The following GUCY2C variants were observed in gnomAD, a reference collection of about 807,000 sequenced individuals.
GUCY2C encodes guanylate cyclase 2C, also known as guanylyl cyclase C.
Under a neutral mutation model 131.1 loss-of-function variants are expected in GUCY2C, and 118 were observed. That is an observed-to-expected ratio of 0.90 (90% CI 0.78 to 1.05). GUCY2C has a LOEUF of 1.05. GUCY2C is among the 50% of genes least tolerant of loss of function. GUCY2C has a pLI of 0.00. For synonymous variants in GUCY2C, 452 were observed against 457.8 expected, an observed-to-expected ratio of 0.99 and a Z score of 0.16; for missense variants, 1,161 against 1,304.4, an observed-to-expected ratio of 0.89 and a Z score of 1.69.
intron 10 of GUCY2C, among the ~76,000 whole-genome samples, chr12:14,666,556 G>A (rs1173893628): frequency 2.0e-5 from 3 of 152,078 alleles, no homozygotes; most frequent in East Asian, 1.9e-4. Flanking sequence ...CCAACATGGC[G>A]AAACCCCGTC....
intron 10 of GUCY2C, among the ~76,000 whole-genome samples, chr12:14,662,046 T>C (rs985704423): frequency 6.6e-6 from 1 of 151,996 alleles, no homozygotes; most frequent in Non-Finnish European, 1.5e-5. Flanking sequence ...ACAAGAAGAC[T>C]GCACGGGAAA....
intron 3 of GUCY2C, among the ~76,000 whole-genome samples, 155 bp downstream of exon 3, chr12:14,686,006 A>G (rs1246744735): frequency 6.6e-6 from 1 of 152,204 alleles, no homozygotes; most frequent in African/African-American, 2.4e-5. Context: ...TGAGCAAGGG[A>G]AGTTACCTGG....
chr12:14,683,519 G>A (rs910035964), intron 3 of GUCY2C, among the ~76,000 whole-genome samples: 1 of 152,156 alleles, frequency 6.6e-6, no homozygotes. Flanking sequence ...ATTCTAAAGT[G>A]AGTCATCATG....
In GUCY2C at chr12:14,681,468, A is replaced by G; in HGVS notation, c.621T>C (p.Asn207=). 6.3e-7 allele frequency: 1 copy of G among 1,577,988 alleles called. No individual in the cohort carries two copies. The change falls in exon 5 of 27, where the codon AAT becomes AAC. Residue 207 remains asparagine (N), a synonymous_variant. Coordinates refer to ENST00000261170, the MANE Select transcript of GUCY2C (RefSeq NM_004963.4). Reference sequence around the variant, plus strand: ...AATAGGAAACGCTAGCCTCCAGAGCATTAAGGTACCTGGAATAGGAAAAAG... The same window carrying G: ...AATAGGAAACGCTAGCCTCCAGAGCGTTAAGGTACCTGGAATAGGAAAAAG... The part of the protein sequence containing the change: ...TETEDCFWYL[N]ALEASVSYFS...
At chr12:14,693,693 T>TG (rs1491183806) in intron 1 of GUCY2C, among the ~76,000 whole-genome samples, 1 of 152,230 alleles carries the variant, frequency 6.6e-6, no homozygotes, top group African/African-American at 2.4e-5. Flanking sequence ...TGTAAAAGTC[T>TG]GGGCATCACA....
chr12:14,644,912 G>A (rs922607154), intron 16 of GUCY2C, among the ~76,000 whole-genome samples: 4 of 151,564 alleles, frequency 2.6e-5, no homozygotes, highest in Non-Finnish European at 4.4e-5. Flanking sequence ...CAGCCCAGTT[G>A]TCTTTCTTGT....
intron 10 of GUCY2C, among the ~76,000 whole-genome samples, chr12:14,665,426 T>A (rs1040823443): frequency 6.6e-6 from 1 of 152,134 alleles, no homozygotes. Context: ...GAGTAAAAGA[T>A]AAGTAGGGAG....
chr12:14,640,411 C>A (rs1468218720), intron 18 of GUCY2C, among the ~76,000 whole-genome samples: 1 of 144,390 alleles, frequency 6.9e-6, no homozygotes, highest in Non-Finnish European at 1.5e-5. Flanking sequence ...GAGCCAAGAT[C>A]ACACCACTGT....
intron 6 of GUCY2C, among the ~76,000 whole-genome samples, chr12:14,678,087 A>G (rs1948276748): frequency 6.6e-6 from 1 of 152,180 alleles, no homozygotes; most frequent in African/African-American, 2.4e-5. Flanking sequence ...AGCAGCTGGG[A>G]CAACAGGCAT....
intron 10 of GUCY2C, among the ~76,000 whole-genome samples, chr12:14,661,817 G>A (rs1368432188): frequency 6.6e-6 from 1 of 152,178 alleles, no homozygotes; most frequent in Admixed American, 6.5e-5. Context: ...TTGCATGCTG[G>A]TTCTTTCCAA....
At chr12:14,678,261 T>TA (rs1003801566) in intron 6 of GUCY2C, among the ~76,000 whole-genome samples, 3 of 152,180 alleles carry the variant, frequency 2.0e-5, no homozygotes, top group Admixed American at 6.5e-5. Flanking sequence ...CTTAAAATGC[T>TA]AAAAAAATCC....
chr12:14,624,338 G>A (rs1946960364), intron 21 of GUCY2C, among the ~76,000 whole-genome samples: 1 of 152,156 alleles, frequency 6.6e-6, no homozygotes, highest in Admixed American at 6.5e-5. Context: ...CTACTTGGGA[G>A]GCTGAGGCAG....
At chr12:14,622,711 A>G (rs1946921082) in intron 21 of GUCY2C, among the ~76,000 whole-genome samples, 1 of 152,238 alleles carries the variant, frequency 6.6e-6, no homozygotes, top group Admixed American at 6.5e-5. Context: ...GCATTTAAAT[A>G]TAAATTTTGA....
chr12:14,638,534 C>T (rs376987255), intron 19 of GUCY2C, among the ~76,000 whole-genome samples: 3 of 152,222 alleles, frequency 2.0e-5, no homozygotes, highest in African/African-American at 7.2e-5. Context: ...ACCATTTAGC[C>T]ATAAAAATAA....
chr12:14,683,242 C>A lies in GUCY2C; in HGVS notation c.411G>T (p.Leu137Phe). The A allele has an allele frequency of 6.2e-7, 1 of 1,612,066 alleles. No individual in the cohort carries two copies. Among genetic ancestry groups the A allele is most frequent in the South Asian group, 1.1e-5 (1 of 91,006 alleles). The part of the protein sequence containing the change: ...STFQMYLDTE[L>F]SYPMISAGSF... ...TTCCAGCTGAGATCATGGGGTAGCT[C>A]AATTCTGTGTCAAGGCTATGTCAAG... The change falls in exon 4 of 27, where the codon TTG becomes TTT. Residue 137 changes from leucine to phenylalanine, a missense_variant. By Grantham distance (22) the Leu-to-Phe change is conservative. Transcript: ENST00000261170.
At chr12:14,627,895 A>G (rs1349045757) in intron 20 of GUCY2C, among the ~76,000 whole-genome samples, 2 of 152,170 alleles carry the variant, frequency 1.3e-5, no homozygotes, top group Non-Finnish European at 1.5e-5. Flanking sequence ...CCAGCTCTAG[A>G]CTTTTAGTCT....
intron 11 of GUCY2C, 140 bp downstream of exon 11, chr12:14,660,841 G>T: frequency 3.2e-6 from 2 of 634,106 alleles, no homozygotes; most frequent in South Asian, 3.8e-5. Context: ...AGTCTTTGAT[G>T]CAGAATGTCT....
intron 10 of GUCY2C, among the ~76,000 whole-genome samples, chr12:14,663,143 G>T (rs28494934): frequency 2.0e-3 from 308 of 152,274 alleles, no homozygotes; most frequent in African/African-American, 6.5e-3. Flanking sequence ...TCAAGAAATA[G>T]AAGCATATTA....
Position 14,679,686 on chromosome 12 carries a change from G to T in GUCY2C, c.801C>A (p.Asp267Glu). The change falls in exon 6 of 27, where the codon GAC becomes GAA. Residue 267 changes from aspartate (D) to glutamate (E), a missense_variant. By Grantham distance (45) the Asp-to-Glu change is conservative (BLOSUM62 2). Coordinates refer to ENST00000261170, the MANE Select transcript of GUCY2C (RefSeq NM_004963.4). ...AAAGATCCACTAGAATAATGACAAT[G>T]TCTTCAGCCACTGCTCGGTCACCCT... ...KLKGDRAVAE[D>E]IVIILVDLFN... 6.3e-7 allele frequency: 1 copy of T among 1,586,506 alleles called. No individual in the cohort carries two copies. The highest frequency in any genetic ancestry group is 8.7e-7 in the Non-Finnish European group (1 of 1,154,844).
Sources: allele counts gnomAD v4.1 joint callset (sites outside exome capture counted in the v4.1 genomes callset), GRCh38; gene constraint gnomAD v4.1.1; transcripts MANE v1.5; gene names NCBI Gene and HGNC (gene_info 2026-07-23, HGNC 2026-07-21).